Variants in WDR37 observed in about 807,000 individuals in gnomAD.
WDR37 encodes WD repeat domain 37, also known as WD repeat-containing protein 37.
A neutral mutation model predicts 62.9 loss-of-function variants in WDR37; 19 were observed. The observed-to-expected ratio is 0.30, with a 90% CI of 0.21 to 0.44. WDR37 has a LOEUF of 0.44. Among genes scored for constraint, WDR37 ranks in the 20% least tolerant of loss-of-function variants. WDR37 has a pLI of 1.00. For synonymous variants in WDR37, 250 were observed against 260.9 expected, an observed-to-expected ratio of 0.96 and a Z score of 0.40; for missense variants, 474 against 657.6, an observed-to-expected ratio of 0.72 and a Z score of 3.05.
At chr10:1,086,825 G>C (rs1205859854) in intron 7 of WDR37, among the ~76,000 whole-genome samples, 1 of 152,204 alleles carries the variant, frequency 6.6e-6, no homozygotes, top group Admixed American at 6.5e-5. Context: ...AGTTAACGCT[G>C]TTCACGTAGC....
chr10:1,124,916 T>C lies in WDR37; in HGVS notation c.1245T>C (p.Asn415=), dbSNP rs1835694492. The change falls in exon 13 of 14, where the codon AAT becomes AAC. Residue 415 remains asparagine, a synonymous_variant. Coordinates refer to ENST00000263150, the MANE Select transcript of WDR37 (RefSeq NM_014023.4). ...TTTTACCTCTTCTTTGCAGGATCAA[T>C]GTATGTGTCGGCCAAAAAATCATAG... ...IRTDSAINRI[N]VCVGQKIIAL... 5 of 1,614,072 alleles carry C rather than the reference T, an allele frequency of 3.1e-6. No homozygotes were observed. The highest frequency in any genetic ancestry group is 3.3e-5 in the Admixed American group (2 of 60,010).
At chr10:1,128,125 T>C (rs1036997790) in intron 13 of WDR37, among the ~76,000 whole-genome samples, 5 of 152,278 alleles carry the variant, frequency 3.3e-5, no homozygotes, top group African/African-American at 1.2e-4. Flanking sequence ...TTTCCAGATG[T>C]ATAAATAGCT....
At chr10:1,075,509 T>TA (rs1247881679) in intron 2 of WDR37, among the ~76,000 whole-genome samples, 1 of 151,414 alleles carries the variant, frequency 6.6e-6, no homozygotes, top group Non-Finnish European at 1.5e-5. Flanking sequence ...ACTTTTATAT[T>TA]AATATGCACT....
At position 1,129,255 on chromosome 10, in the gene WDR37, C is replaced by G; in HGVS notation, c.1396C>G (p.His466Asp). Residue 466 changes from histidine to aspartate, a missense_variant, in exon 14 of 14, where the codon CAC becomes GAC. Transcript: ENST00000263150. ...MVCCSAWSED[H>D]PVCNLFTCGF... ...ATGCTGCTCGGCATGGAGTGAAGACCACCCCGTGTGCAATCTGTTCACCTG... is the reference window on the plus strand; with the variant it reads ...ATGCTGCTCGGCATGGAGTGAAGACGACCCCGTGTGCAATCTGTTCACCTG... The G allele has an allele frequency of 6.2e-7, 1 of 1,614,122 alleles. No individual in the cohort carries two copies. Among genetic ancestry groups the G allele is most frequent in the Non-Finnish European group, 8.5e-7 (1 of 1,180,014 alleles).
At position 1,072,163 on chromosome 10, in the gene WDR37, C is replaced by G; in HGVS notation, c.8C>G (p.Thr3Arg). The change falls in exon 2 of 14, where the codon ACA (threonine) becomes AGA (arginine). Residue 3 changes from threonine (T) to arginine (R), a missense_variant. Physicochemically the swap from Thr to Arg is moderately conservative, Grantham distance 71. Coordinates refer to ENST00000263150, the MANE Select transcript of WDR37 (RefSeq NM_014023.4). ...CACTACCTCCTAGAAGTAATGCCCA[C>G]AGAAAGCGCAAGTTGTTCGACTGCT... MPTESASCSTARQ... is the reference protein window; with the variant it reads MPRESASCSTARQ... The G allele has an allele frequency of 6.2e-7, 1 of 1,614,068 alleles. No individual in the cohort carries two copies. The highest frequency in any genetic ancestry group is 1.3e-5 in the African/African-American group (1 of 75,016).
rs74117700 is a variant in WDR37, at chr10:1,069,700, T to G, written c.-40-2416T>G. ...TAGTGTGGGTGATCTGTATGGTGAGTGGAGTGTTTTGTATCTTGAACATGT... is the reference window on the plus strand; with the variant it reads ...TAGTGTGGGTGATCTGTATGGTGAGGGGAGTGTTTTGTATCTTGAACATGT... On this transcript the variant is annotated intron_variant, in intron 1 of 13. Transcript: ENST00000263150. 8.8e-3 allele frequency among the ~76,000 whole-genome samples: 1,341 copies of G among 151,774 alleles called. 13 individuals are homozygous for G. Among genetic ancestry groups the G allele is most frequent in the African/African-American group, 0.021 (868 of 41,402 alleles).
intron 11 of WDR37, among the ~76,000 whole-genome samples, chr10:1,120,929 C>T (rs1327064018): frequency 1.3e-5 from 2 of 152,230 alleles, no homozygotes; most frequent in African/African-American, 2.4e-5. Flanking sequence ...TGGAGACCCG[C>T]GGAGGGAGCG....
chr10:1,118,358 T>A (rs1835468634), intron 11 of WDR37, among the ~76,000 whole-genome samples: 1 of 146,252 alleles, frequency 6.8e-6, no homozygotes, highest in Non-Finnish European at 1.5e-5. Context: ...TTGAAGTCCC[T>A]GCACACATCT....
intron 1 of WDR37, among the ~76,000 whole-genome samples, chr10:1,069,389 A>ATATATAT: frequency 2.3e-4 from 22 of 95,778 alleles, no homozygotes; most frequent in African/African-American, 9.8e-4. Flanking sequence ...ATATATATAT[A>ATATATAT]TTTTTTTTTT....
chr10:1,082,758 T>TGCACAGCTCCAGCA (rs59062191), intron 5 of WDR37, among the ~76,000 whole-genome samples: 60,559 of 150,544 alleles, frequency 0.4, 13,016 homozygotes, highest in South Asian at 0.51. Context: ...CATGATCCCC[T>TGCACAGCTCCAGCA]GCACAGCTCC....
chr10:1,060,047 C>T (rs889467924), intron 1 of WDR37, among the ~76,000 whole-genome samples: 2 of 152,130 alleles, frequency 1.3e-5, no homozygotes, highest in African/African-American at 4.8e-5. Flanking sequence ...CCATGTTGGC[C>T]AGGCTGGTCT....
intron 11 of WDR37, among the ~76,000 whole-genome samples, chr10:1,123,639 G>C (rs1033523313): frequency 1.3e-5 from 2 of 152,226 alleles, no homozygotes; most frequent in African/African-American, 4.8e-5. Flanking sequence ...TTTGGCTGTT[G>C]TCAGTAATGC....
chr10:1,079,009 A>T (rs1293804509), intron 3 of WDR37, among the ~76,000 whole-genome samples: 1 of 152,184 alleles, frequency 6.6e-6, no homozygotes, highest in Non-Finnish European at 1.5e-5. Context: ...GCTTTTGGAA[A>T]TTTTAATGTT....
chr10:1,126,379 C>T (rs374867074), intron 13 of WDR37, among the ~76,000 whole-genome samples: 1 of 147,288 alleles, frequency 6.8e-6, no homozygotes, highest in Non-Finnish European at 1.5e-5. Context: ...GCACTCCAGC[C>T]TGGGCGACAG....
chr10:1,117,000 G>T (rs776929745), intron 11 of WDR37, among the ~76,000 whole-genome samples: 1 of 151,992 alleles, frequency 6.6e-6, no homozygotes, highest in Non-Finnish European at 1.5e-5. Context: ...CCTGTGATAT[G>T]AACCTAACAG....
intron 1 of WDR37, among the ~76,000 whole-genome samples, chr10:1,069,389 A>ATATATATATATATATATATTTTTT: frequency 2.1e-5 from 2 of 95,774 alleles, no homozygotes; most frequent in African/African-American, 9.4e-5. Flanking sequence ...ATATATATAT[A>ATATATATATATATATATATTTTTT]TTTTTTTTTT....
At chr10:1,083,778 C>CA (rs1834104214) in intron 5 of WDR37, among the ~76,000 whole-genome samples, 1 of 152,230 alleles carries the variant, frequency 6.6e-6, no homozygotes, top group Non-Finnish European at 1.5e-5. Context: ...TCCAAAAGGC[C>CA]AGGGGCCTAC....
In WDR37 at chr10:1,067,829, G is replaced by A. The variant is rs191063161; in HGVS notation, c.-40-4287G>A. ...GGAATCAACCTAAGTGCCTGTTGAC[G>A]GATGACTAGATAAATAAAATGTGGT... On this transcript the variant is annotated intron_variant, in intron 1 of 13. Transcript: ENST00000263150. Among the ~76,000 whole-genome samples the A allele has an allele frequency of 8.1e-4, 124 of 152,202 alleles. 1 individual carries two copies. The highest frequency in any genetic ancestry group is 1.4e-3 in the Non-Finnish European group (94 of 68,014).
intron 7 of WDR37, among the ~76,000 whole-genome samples, chr10:1,092,319 C>CT (rs1834422795): frequency 6.6e-6 from 1 of 152,122 alleles, no homozygotes. Flanking sequence ...TGGCAAGACC[C>CT]GGTCTCTACT....
Sources: gnomAD v4.1 joint callset for allele counts (sites outside exome capture counted in the v4.1 genomes callset) on GRCh38, gnomAD v4.1.1 for gene constraint, MANE v1.5 for transcripts, NCBI Gene and HGNC (gene_info 2026-07-23, HGNC 2026-07-21) for gene names.